The following PDZRN3 variants were observed in gnomAD, a reference collection of about 807,000 sequenced individuals.
PDZRN3 encodes the protein PDZ domain containing ring finger 3.
Under a neutral mutation model 85.7 loss-of-function variants are expected in PDZRN3, and 38 were observed. The observed-to-expected ratio is 0.44, with a 90% confidence interval of 0.34 to 0.58. The LOEUF is 0.58. Among genes scored for constraint, PDZRN3 ranks in the 20% least tolerant of loss-of-function variants. PDZRN3 has a pLI of 0.01. For missense variants in PDZRN3, 1,629 were observed against 1,506.4 expected, an observed-to-expected ratio of 1.08 and a Z score of -1.35; for synonymous variants, 759 against 638.0, an observed-to-expected ratio of 1.19 and a Z score of -2.86.
chr3:73,510,030 C>G lies in PDZRN3; in HGVS notation c.918+92324G>C, dbSNP rs534912718. Among the ~76,000 whole-genome samples the G allele has an allele frequency of 6.6e-5, 10 of 152,332 alleles. No homozygotes were observed. In the East Asian group the frequency reaches 1.9e-3, roughly 29 times the overall value. On this transcript the variant is annotated intron_variant, in intron 3 of 9. Transcript: ENST00000263666. ...CCATGACTGATTCATCTGTCGTACA[C>G]TGGAGGTTGGGGGTGGAGGAGGAGA... is the stretch of plus-strand genomic sequence containing the variant.
chr3:73,438,438 A>G (rs1203993706), intron 3 of PDZRN3, among the ~76,000 whole-genome samples: 3 of 152,214 alleles, frequency 2.0e-5, no homozygotes, highest in South Asian at 4.1e-4. Flanking sequence ...TGTTTTCTCT[A>G]TTGTAATGAT....
At chr3:73,586,273 T>G (rs1375340849) in intron 3 of PDZRN3, among the ~76,000 whole-genome samples, 1 of 152,206 alleles carries the variant, frequency 6.6e-6, no homozygotes, top group Non-Finnish European at 1.5e-5. Flanking sequence ...CTGCTATTCC[T>G]GTATGGACAG....
chr3:73,456,485 A>G (rs1310652653), intron 3 of PDZRN3, among the ~76,000 whole-genome samples: 1 of 152,242 alleles, frequency 6.6e-6, no homozygotes, highest in Non-Finnish European at 1.5e-5. Context: ...ACAAAGAAAG[A>G]AAAAATAAAA....
chr3:73,568,597 G>A (rs752126806), intron 3 of PDZRN3, among the ~76,000 whole-genome samples: 17 of 152,106 alleles, frequency 1.1e-4, no homozygotes, highest in Admixed American at 3.3e-4. Flanking sequence ...CAAATATCAC[G>A]CATGTGAGAC....
intron 3 of PDZRN3, among the ~76,000 whole-genome samples, chr3:73,418,150 C>T (rs1702129158): frequency 6.6e-6 from 1 of 152,142 alleles, no homozygotes; most frequent in South Asian, 2.1e-4. Context: ...CACAGAAGGG[C>T]TTTAAAATAT....
chr3:73,418,160 T>C (rs1368525501), intron 3 of PDZRN3, among the ~76,000 whole-genome samples: 1 of 152,194 alleles, frequency 6.6e-6, no homozygotes, highest in East Asian at 1.9e-4. Flanking sequence ...CTTTAAAATA[T>C]GGCCATATTA....
chr3:73,436,947 G>C (rs925186230), intron 3 of PDZRN3, among the ~76,000 whole-genome samples: 2 of 151,686 alleles, frequency 1.3e-5, no homozygotes, highest in Admixed American at 6.6e-5. Context: ...TTGGGAGGCT[G>C]AGGCAGGGTA....
intron 3 of PDZRN3, among the ~76,000 whole-genome samples, chr3:73,462,720 G>A (rs1468913195): frequency 6.6e-6 from 1 of 152,078 alleles, no homozygotes; most frequent in Admixed American, 6.5e-5. Context: ...GTGGAAGGGG[G>A]TTATCCTCAT....
intron 3 of PDZRN3, among the ~76,000 whole-genome samples, chr3:73,516,677 G>A (rs1005873532): frequency 6.6e-6 from 1 of 152,150 alleles, no homozygotes; most frequent in Non-Finnish European, 1.5e-5. Flanking sequence ...ATAAAAAATA[G>A]ATTTAGATTC....
chr3:73,482,117 G>A (rs1221207333), intron 3 of PDZRN3, among the ~76,000 whole-genome samples: 1 of 152,240 alleles, frequency 6.6e-6, no homozygotes, highest in Non-Finnish European at 1.5e-5. Context: ...GGATAAGAAT[G>A]TGATGATTAG....
rs546828747 is a variant in PDZRN3 at position 73,576,096 on chromosome 3, A to G, written c.918+26258T>C. On this transcript the variant is annotated intron_variant, in intron 3 of 9. Transcript: ENST00000263666. ...ATGTCCTTTGGAAGAAATTACACAC[A>G]TGCATGCATACTCTCTCTCACACAC... 4.0e-5 allele frequency among the ~76,000 whole-genome samples: 6 copies of G among 149,526 alleles called. 1 individual carries two copies. In the South Asian group the frequency reaches 1.3e-3, roughly 31 times the overall value.
At position 73,495,004 on chromosome 3, in the gene PDZRN3, G is replaced by C. The variant is rs187748768; in HGVS notation, c.919-90609C>G. Among the ~76,000 whole-genome samples, 4 of 152,276 alleles carry C rather than the reference G, an allele frequency of 2.6e-5. No individual in the cohort carries two copies. In the East Asian group the frequency reaches 5.8e-4, roughly 22 times the overall value. On this transcript the variant is annotated intron_variant, in intron 3 of 9. Coordinates refer to ENST00000263666, the MANE Select transcript of PDZRN3 (RefSeq NM_015009.3). ...CGTGGACATAAACATGGCAACAGCAGACACTGGGGACTACTAGAGGGGGGA... is the reference window on the plus strand; with the variant it reads ...CGTGGACATAAACATGGCAACAGCACACACTGGGGACTACTAGAGGGGGGA...
rs61564723 is a variant in PDZRN3, at chr3:73,565,786, A to AACACACACAC, written c.918+36558_918+36567dup. ...AACCCTGTCTCTACTAAAAATACAA[A>AACACACACAC]ACACACACACACACACACACACACA... On this transcript the variant is annotated intron_variant, in intron 3 of 9. Coordinates refer to ENST00000263666, the MANE Select transcript of PDZRN3 (RefSeq NM_015009.3). 2.7e-3 allele frequency among the ~76,000 whole-genome samples: 104 copies of AACACACACAC among 37,928 alleles called. 1 individual carries two copies. Among genetic ancestry groups the AACACACACAC allele is most frequent in the African/African-American group, 4.1e-3 (87 of 21,280 alleles). The allele number at this position is 37,928 out of a possible 152,430, so 24.9% of individuals were successfully genotyped here. A position where few individuals can be genotyped will look rare whatever the true frequency, so the allele number is the denominator to read the frequency against.
intron 3 of PDZRN3, among the ~76,000 whole-genome samples, chr3:73,552,161 C>T (rs1437263534): frequency 2.0e-5 from 3 of 152,042 alleles, no homozygotes; most frequent in African/African-American, 7.3e-5. Flanking sequence ...CCCAGTTACT[C>T]ATCTCAGTAC....
chr3:73,433,933 C>A (rs1353214538), intron 3 of PDZRN3: 10 of 1,408,954 alleles, frequency 7.1e-6, no homozygotes, highest in Non-Finnish European at 9.2e-6. Context: ...CGCGTGCACA[C>A]ACACACACAT....
intron 3 of PDZRN3, among the ~76,000 whole-genome samples, chr3:73,570,551 T>G (rs1307042378): frequency 1.3e-5 from 2 of 152,336 alleles, no homozygotes; most frequent in African/African-American, 2.4e-5. Flanking sequence ...GATGGGATTA[T>G]GCATTCATAG....
chr3:73,476,399 A>T (rs1424809879), intron 3 of PDZRN3, among the ~76,000 whole-genome samples: 1 of 152,182 alleles, frequency 6.6e-6, no homozygotes, highest in Non-Finnish European at 1.5e-5. Flanking sequence ...ACTAGACAGC[A>T]CTAGGAGGAT....
chr3:73,498,911 G>A (rs1703921629), intron 3 of PDZRN3, among the ~76,000 whole-genome samples: 1 of 152,060 alleles, frequency 6.6e-6, no homozygotes, highest in African/African-American at 2.4e-5. Flanking sequence ...AATACACACA[G>A]CATAGACCCA....
intron 3 of PDZRN3, among the ~76,000 whole-genome samples, chr3:73,511,589 A>T (rs1348972050): frequency 9.8e-5 from 15 of 152,338 alleles, no homozygotes; most frequent in Non-Finnish European, 1.5e-5. Flanking sequence ...CCCGGAGCCA[A>T]TGAGGGGAAC....
Sources: gnomAD v4.1 joint callset for allele counts (sites outside exome capture counted in the v4.1 genomes callset) on GRCh38, gnomAD v4.1.1 for gene constraint, MANE v1.5 for transcripts, NCBI Gene and HGNC (gene_info 2026-07-23, HGNC 2026-07-21) for gene names.